TOMM70: variants seen among roughly 807,000 people sequenced by gnomAD.
TOMM70 encodes translocase of outer mitochondrial membrane 70.
In TOMM70, 13 loss-of-function variants were observed where a neutral mutation model predicts 73.6. That is an observed-to-expected ratio of 0.18 (90% CI 0.11 to 0.28). The LOEUF (loss-of-function observed/expected upper bound fraction) is 0.28, where lower values mean the gene tolerates loss of function less well. TOMM70 is among the 10% of genes least tolerant of loss of function. The pLI is 1.00. For missense variants in TOMM70, 609 were observed against 747.5 expected, an observed-to-expected ratio of 0.81 and a Z score of 2.16; for synonymous variants, 257 against 271.2, an observed-to-expected ratio of 0.95 and a Z score of 0.51.
intron 6 of TOMM70, among the ~76,000 whole-genome samples, chr3:100,375,925 G>C (rs1046344356): frequency 3.9e-5 from 6 of 152,088 alleles, no homozygotes; most frequent in Non-Finnish European, 7.4e-5. Context: ...GTAAGTTTCT[G>C]AGGAATTGCC....
chr3:100,371,071 T>C (rs1238724538), intron 9 of TOMM70, among the ~76,000 whole-genome samples: 4 of 152,152 alleles, frequency 2.6e-5, no homozygotes, highest in Non-Finnish European at 4.4e-5. Flanking sequence ...AATGTAGTTA[T>C]ATATAAGACC....
rs1381243495 is a variant in TOMM70 at position 100,372,732 on chromosome 3, A to G, written c.1336-10T>C. ...TATATGCCTGGCGGTACTATAAAAA[A>G]TCAAAACAGGCCTGTCAAATCAAGA... On this transcript the variant is annotated splice_polypyrimidine_tract_variant and intron_variant, in intron 8 of 11. Transcript: ENST00000284320. 1 of 1,605,366 alleles carries G rather than the reference A, an allele frequency of 6.2e-7. No individual in the cohort carries two copies. Among genetic ancestry groups the G allele is most frequent in the East Asian group, 2.2e-5 (1 of 44,838 alleles).
rs751898035 is a variant in TOMM70, at chr3:100,364,251, G to C, written c.*1313C>G. 6.6e-6 allele frequency: 1 copy of C among 152,174 alleles called. No homozygotes were observed. Among genetic ancestry groups the C allele is most frequent in the Non-Finnish European group, 1.5e-5 (1 of 68,026 alleles). 9.4% of individuals were successfully genotyped at this position (152,174 alleles called of 1,614,324 possible). A position where few individuals can be genotyped will look rare whatever the true frequency, so the allele number is the denominator to read the frequency against. The stretch of plus-strand genomic sequence containing the variant: ...GTACCCCTAGTGAAGACCTGGACCT[G>C]GGTAGTTAGTCCTTAGAGATCAAGG... On this transcript the variant is annotated 3_prime_UTR_variant, in exon 12 of 12. Transcript: ENST00000284320.
At chr3:100,387,643 C>CTTTT (rs112940589) in intron 1 of TOMM70, among the ~76,000 whole-genome samples, 1 of 135,588 alleles carries the variant, frequency 7.4e-6, no homozygotes, top group Non-Finnish European at 1.5e-5. Flanking sequence ...CACGTATATA[C>CTTTT]TTTTTTTTTT....
intron 1 of TOMM70, among the ~76,000 whole-genome samples, chr3:100,390,519 GA>G (rs1706746151): frequency 6.6e-6 from 1 of 152,118 alleles, no homozygotes; most frequent in African/African-American, 2.4e-5. Context: ...TATGCTGTTA[GA>G]TGTATAAAAG....
intron 1 of TOMM70, among the ~76,000 whole-genome samples, chr3:100,397,576 T>C (rs549865733): frequency 2.0e-4 from 31 of 152,364 alleles, no homozygotes; most frequent in Admixed American, 1.8e-3. Context: ...TTCTAATTTT[T>C]AACAGCAGTC....
chr3:100,387,141 T>C (rs1359418821), intron 1 of TOMM70, among the ~76,000 whole-genome samples, 163 bp from the exon 2 acceptor site: 4 of 152,204 alleles, frequency 2.6e-5, no homozygotes, highest in Admixed American at 6.5e-5. Flanking sequence ...ACTAGTAGGA[T>C]TGTTGAGTCA....
chr3:100,369,234 T>C, intron 9 of TOMM70, 99 bp from the exon 10 acceptor site: 2 of 826,530 alleles, frequency 2.4e-6, no homozygotes, highest in South Asian at 3.2e-5. Flanking sequence ...TCATTCATTA[T>C]TACAAAATTA....
At chr3:100,387,611 C>G (rs866254836) in intron 1 of TOMM70, among the ~76,000 whole-genome samples, 13 of 140,692 alleles carry the variant, frequency 9.2e-5, no homozygotes, top group East Asian at 2.0e-4. Flanking sequence ...CACACACACA[C>G]ACACACACAC....
At chr3:100,387,248 AC>A (rs1706701807) in intron 1 of TOMM70, among the ~76,000 whole-genome samples, 1 of 152,130 alleles carries the variant, frequency 6.6e-6, no homozygotes, top group South Asian at 2.1e-4. Context: ...GGAGTTTGAG[AC>A]CAGCCTGGGC....
At position 100,369,029 on chromosome 3, in the gene TOMM70, A is replaced by G; in HGVS notation, c.1550+9T>C. ...ATTATCTCATTGGAACAATCACAAA[A>G]ATACATACCCTTTATGAACATATGT... is the stretch of plus-strand genomic sequence containing the variant. On this transcript the variant is annotated intron_variant, in intron 10 of 11. Coordinates refer to ENST00000284320, the MANE Select transcript of TOMM70 (RefSeq NM_014820.5). 1 of 1,574,064 alleles carries G rather than the reference A, an allele frequency of 6.4e-7. No individual in the cohort carries two copies. The highest frequency in any genetic ancestry group is 1.1e-5 in the South Asian group (1 of 88,434).
At position 100,363,540 on chromosome 3, in the gene TOMM70, G is replaced by A. The variant is rs554352840; in HGVS notation, c.*2024C>T. 7 of 152,738 alleles carry A rather than the reference G, an allele frequency of 4.6e-5. No homozygotes were observed. Among genetic ancestry groups the A allele is most frequent in the Admixed American group, 1.3e-4 (2 of 15,296 alleles). The allele number at this position is 152,738 out of a possible 1,614,324, so 9.5% of individuals were successfully genotyped here. ...AAGATACAGACAGATGCAGCTTTCA[G>A]TGCAGTTTCAAACATTTTCACAACA... On this transcript the variant is annotated 3_prime_UTR_variant, in exon 12 of 12. Transcript: ENST00000284320.
At chr3:100,389,566 T>G (rs565991973) in intron 1 of TOMM70, among the ~76,000 whole-genome samples, 2 of 152,270 alleles carry the variant, frequency 1.3e-5, no homozygotes, top group East Asian at 3.8e-4. Context: ...ACAATTTTTT[T>G]TTAAAAAAGG....
At chr3:100,397,602 T>C (rs1210976330) in intron 1 of TOMM70, among the ~76,000 whole-genome samples, 1 of 152,220 alleles carries the variant, frequency 6.6e-6, no homozygotes, top group African/African-American at 2.4e-5. Context: ...AATAAAAAGT[T>C]ATTTGTGGTC....
At chr3:100,382,790 A>G (rs1376460968) in intron 4 of TOMM70, among the ~76,000 whole-genome samples, 2 of 152,214 alleles carry the variant, frequency 1.3e-5, no homozygotes, top group African/African-American at 4.8e-5. Flanking sequence ...AACGGTTACA[A>G]GAAAGGGATT....
chr3:100,401,009 C>A lies in TOMM70; in HGVS notation c.-60G>T, dbSNP rs1706896173. 6.7e-7 allele frequency: 1 copy of A among 1,484,470 alleles called. No homozygotes were observed. Among genetic ancestry groups the A allele is most frequent in the South Asian group, 1.2e-5 (1 of 82,228 alleles). 92.0% of individuals were successfully genotyped at this position (1,484,470 alleles called of 1,614,324 possible). On this transcript the variant is annotated 5_prime_UTR_variant, in exon 1 of 12. Coordinates refer to ENST00000284320, the MANE Select transcript of TOMM70 (RefSeq NM_014820.5). Reference sequence around the variant, plus strand: ...CGCGAGCGCCACAATCACCAAACAGCGTGCGAAGGAAGACCGAGGGAGGGA... The same window carrying A: ...CGCGAGCGCCACAATCACCAAACAGAGTGCGAAGGAAGACCGAGGGAGGGA...
intron 8 of TOMM70, 151 bp downstream of exon 8, chr3:100,373,387 G>A (rs760545281): frequency 2.5e-5 from 14 of 554,588 alleles, no homozygotes; most frequent in Non-Finnish European, 3.8e-5. Context: ...AAATACAAGA[G>A]CTAGGTATCA....
chr3:100,386,624 T>C (rs1459273074), intron 2 of TOMM70, among the ~76,000 whole-genome samples, 181 bp downstream of exon 2: 2 of 152,222 alleles, frequency 1.3e-5, no homozygotes, highest in Non-Finnish European at 2.9e-5. Flanking sequence ...ATATCTGTAG[T>C]CAGCAAAACT....
chr3:100,393,966 G>A (rs1184237825), intron 1 of TOMM70, among the ~76,000 whole-genome samples: 1 of 152,150 alleles, frequency 6.6e-6, no homozygotes, highest in Non-Finnish European at 1.5e-5. Flanking sequence ...AACAAGTCCT[G>A]CAACACGATT....
Sources: gnomAD v4.1 joint callset for allele counts (sites outside exome capture counted in the v4.1 genomes callset) on GRCh38, gnomAD v4.1.1 for gene constraint, MANE v1.5 for transcripts, NCBI Gene and HGNC (gene_info 2026-07-23, HGNC 2026-07-21) for gene names.